Variants in DOCK11 observed in about 807,000 individuals in gnomAD.
The protein encoded by DOCK11 is dedicator of cytokinesis 11, also known as dedicator of cytokinesis protein 11.
DOCK11 carries 70 observed loss-of-function variants against 169.1 expected under a neutral mutation model. The ratio of observed to expected loss-of-function variants is 0.41; its 90% CI spans 0.34 to 0.51. The LOEUF is 0.51. Among genes scored for constraint, DOCK11 ranks in the 20% least tolerant of loss-of-function variants. The pLI is 0.10. For missense variants in DOCK11, 1,166 were observed against 1,538.8 expected (o/e 0.76, Z 4.05); for synonymous variants, 529 against 541.3 (o/e 0.98, Z 0.32).
intron 27 of DOCK11, among the ~76,000 whole-genome samples, chrX:118,609,604 T>C (rs779635119): frequency 1.2e-4 from 14 of 112,213 alleles, no homozygotes; most frequent in Non-Finnish European, 1.9e-4. Context: ...CTTTTCCACA[T>C]AGATTCTTTC....
In DOCK11 at chrX:118,544,645, CTTTTTTTTTTTTTTTTT is replaced by C. The variant is rs1157804079; in HGVS notation, c.393-662_393-646del. On this transcript the variant is annotated intron_variant, in intron 4 of 52. Transcript: ENST00000276202. ...TGCAAGAGCCAGAATTACACTGTTG[CTTTTTTTTTTTTTTTTT>C]TTTTTTTTTTTTTTTGAGACAGAGT... Among the ~76,000 whole-genome samples, 70 of 23,369 alleles carry C rather than the reference CTTTTTTTTTTTTTTTTT, an allele frequency of 3.0e-3. 1 individual carries two copies. Among genetic ancestry groups the C allele is most frequent in the African/African-American group, 0.012 (67 of 5,549 alleles). 20.3% of individuals were successfully genotyped at this position (23,369 alleles called of 115,157 possible).
chrX:118,658,029 T>C (rs1178015619), intron 44 of DOCK11, among the ~76,000 whole-genome samples: 1 of 111,976 alleles, frequency 8.9e-6, no homozygotes, highest in Non-Finnish European at 1.9e-5. Flanking sequence ...AGTGAGCTTT[T>C]TGAAGTCTAG....
intron 1 of DOCK11, 103 bp from the exon 2 acceptor site, chrX:118,542,622 C>T: frequency 6.8e-6 from 4 of 588,147 alleles, no homozygotes; most frequent in African/African-American, 4.5e-5. Flanking sequence ...TTAAAAGTAT[C>T]AGTAATCCCT....
intron 6 of DOCK11, among the ~76,000 whole-genome samples, chrX:118,551,699 T>TAA (rs916654781): frequency 1.8e-5 from 2 of 108,173 alleles, no homozygotes; most frequent in Non-Finnish European, 3.9e-5. Context: ...CTCGATCTCT[T>TAA]AAAAAAAAAA....
rs188944829 is a variant in DOCK11 at position 118,628,191 on chromosome X, A to T, written c.3693A>T (p.Gly1231=). 1.3e-5 allele frequency: 16 copies of T among 1,204,351 alleles called. No homozygotes were observed. In the East Asian group the frequency reaches 4.8e-4, roughly 36 times the overall value. Residue 1231 remains glycine, a synonymous_variant, in exon 34 of 53, where the codon GGA becomes GGT. Transcript: ENST00000276202. ...ATGGGTCTTTTCAAAATGGACATGG[A>T]ATTAAGAGAGAAGATTCAAGAGGTT... ...TAYGSFQNGH[G]IKREDSRGSL... is the part of the protein sequence containing the mutation.
chrX:118,601,133 C>T (rs1026412944), intron 23 of DOCK11, among the ~76,000 whole-genome samples: 3 of 111,169 alleles, frequency 2.7e-5, no homozygotes, highest in Non-Finnish European at 5.7e-5. Context: ...ATCATTAAGA[C>T]GTATAATAGG....
intron 30 of DOCK11, among the ~76,000 whole-genome samples, chrX:118,617,111 A>G (rs2014836658): frequency 8.9e-6 from 1 of 112,020 alleles, no homozygotes; most frequent in Non-Finnish European, 1.9e-5. Flanking sequence ...CAAAAGAAAA[A>G]TAGAAAACAT....
intron 35 of DOCK11, among the ~76,000 whole-genome samples, chrX:118,634,658 G>C (rs1218758084): frequency 8.9e-6 from 1 of 112,817 alleles, no homozygotes; most frequent in Non-Finnish European, 1.9e-5. Context: ...GGGAACCCAA[G>C]CTTCTGTGAG....
intron 1 of DOCK11, among the ~76,000 whole-genome samples, chrX:118,520,505 C>T (rs1049430832): frequency 1.9e-4 from 21 of 112,581 alleles, no homozygotes; most frequent in Admixed American, 1.7e-3. Context: ...TGAAAAGAAA[C>T]GGAGTATATT....
At chrX:118,559,903 T>C (rs1320793447) in intron 6 of DOCK11, among the ~76,000 whole-genome samples, 1 of 110,583 alleles carries the variant, frequency 9.0e-6, no homozygotes, top group Non-Finnish European at 1.9e-5. Context: ...ATGAAAGATA[T>C]AAATATACCC....
At chrX:118,677,871 T>C (rs368068457) in intron 48 of DOCK11, among the ~76,000 whole-genome samples, 1 of 112,257 alleles carries the variant, frequency 8.9e-6, no homozygotes, top group South Asian at 3.7e-4. Flanking sequence ...TCCCACAATA[T>C]TGATTACTGT....
intron 18 of DOCK11, among the ~76,000 whole-genome samples, chrX:118,589,555 A>G (rs762110128): frequency 1.8e-5 from 2 of 111,974 alleles, no homozygotes; most frequent in African/African-American, 6.5e-5. Flanking sequence ...TATTAGGCCT[A>G]TAGAAGTGAA....
chrX:118,680,860 C>T (rs2016727667), intron 49 of DOCK11, among the ~76,000 whole-genome samples, 168 bp downstream of exon 49: 1 of 112,137 alleles, frequency 8.9e-6, no homozygotes, highest in Admixed American at 9.5e-5. Context: ...CATCATTTTC[C>T]CATATGTCAT....
chrX:118,571,198 C>T (rs754449897), intron 10 of DOCK11, among the ~76,000 whole-genome samples: 1 of 111,005 alleles, frequency 9.0e-6, no homozygotes, highest in South Asian at 3.8e-4. Context: ...TTTCCAACTA[C>T]CTACTACCGT....
intron 32 of DOCK11, 98 bp downstream of exon 32, chrX:118,624,753 ACTT>A: frequency 6.5e-6 from 2 of 309,199 alleles, no homozygotes; most frequent in Non-Finnish European, 1.0e-5. Context: ...TTAAGAGTTC[ACTT>A]TTTTTTTTTT....
Position 118,680,649 on chromosome X carries a change from G to A in DOCK11, c.5628G>A (p.Gln1876=). ...EAPYTLSGKK[Q]GCIEEQCKRR... is the part of the protein sequence containing the mutation. Reference sequence around the variant, plus strand: ...CTTACACTTTATCAGGCAAAAAACAGGGCTGTATAGAAGAACAGTGCAAAC... The same window carrying A: ...CTTACACTTTATCAGGCAAAAAACAAGGCTGTATAGAAGAACAGTGCAAAC... Residue 1876 remains glutamine (Q), a synonymous_variant, in exon 49 of 53, where the codon CAG becomes CAA. Transcript: ENST00000276202. 1 of 1,209,312 alleles carries A rather than the reference G, an allele frequency of 8.3e-7. No individual in the cohort carries two copies. Among genetic ancestry groups the A allele is most frequent in the Non-Finnish European group, 1.1e-6 (1 of 894,171 alleles).
At chrX:118,618,865 G>GTTT in intron 31 of DOCK11, 137 bp downstream of exon 31, 1 of 447,756 alleles carries the variant, frequency 2.2e-6, no homozygotes, top group Non-Finnish European at 3.3e-6. Flanking sequence ...ATCATAAGTT[G>GTTT]TTTTTTTTTT....
chrX:118,643,420 C>T, intron 39 of DOCK11, 37 bp from the exon 40 acceptor site: 1 of 1,168,734 alleles, frequency 8.6e-7, no homozygotes, highest in Non-Finnish European at 1.1e-6. Context: ...CTGTCATTCT[C>T]AGTGGGGCAT....
At chrX:118,592,346 C>T (rs1464773905) in intron 19 of DOCK11, among the ~76,000 whole-genome samples, 1 of 90,964 alleles carries the variant, frequency 1.1e-5, no homozygotes, top group Non-Finnish European at 2.2e-5. Context: ...GAGTTGGTAT[C>T]TCATTGTGGT....
Sources: allele counts gnomAD v4.1 joint callset (sites outside exome capture counted in the v4.1 genomes callset), GRCh38; gene constraint gnomAD v4.1.1; transcripts MANE v1.5; gene names NCBI Gene and HGNC (gene_info 2026-07-23, HGNC 2026-07-21).